The following EPSTI1 variants were observed in gnomAD, a reference collection of about 807,000 sequenced individuals.
The protein encoded by EPSTI1 is epithelial-stromal interaction protein 1.
Under a neutral mutation model 49.9 loss-of-function variants are expected in EPSTI1, and 66 were observed. The observed-to-expected ratio is 1.32, with a 90% CI of 1.08 to 1.62. The LOEUF (loss-of-function observed/expected upper bound fraction) is 1.62, where lower values mean the gene tolerates loss of function less well. Among genes scored for constraint, EPSTI1 ranks in the 40% most tolerant of loss-of-function variants. EPSTI1 has a pLI of 0.00. For synonymous variants in EPSTI1, 137 were observed against 130.7 expected, an observed-to-expected ratio of 1.05 and a Z score of -0.33; for missense variants, 394 against 365.5, an observed-to-expected ratio of 1.08 and a Z score of -0.64.
chr13:42,972,175 A>G (rs540030030), intron 1 of EPSTI1, among the ~76,000 whole-genome samples: 6 of 152,302 alleles, frequency 3.9e-5, no homozygotes, highest in Non-Finnish European at 7.4e-5. Context: ...ACAATCTTCA[A>G]TGTCTGCTAA....
chr13:42,964,209 T>C (rs2039542704), intron 3 of EPSTI1, 70 bp from the exon 4 acceptor site: 4 of 1,165,940 alleles, frequency 3.4e-6, no homozygotes, highest in Admixed American at 4.3e-5. Context: ...CGAGGACTAA[T>C]TAATATATAA....
At chr13:42,892,022 T>C (rs1229433744) in intron 10 of EPSTI1, among the ~76,000 whole-genome samples, 2 of 152,006 alleles carry the variant, frequency 1.3e-5, no homozygotes, top group Non-Finnish European at 2.9e-5. Flanking sequence ...ACTGAGACCG[T>C]GGAATTCAAG....
chr13:42,984,064 T>A (rs1002562857), intron 1 of EPSTI1, among the ~76,000 whole-genome samples: 4 of 152,230 alleles, frequency 2.6e-5, no homozygotes, highest in African/African-American at 9.6e-5. Context: ...AGACATGTCA[T>A]TAGGAAGAGT....
chr13:42,893,318 A>T (rs562219314), intron 10 of EPSTI1, among the ~76,000 whole-genome samples: 2 of 152,228 alleles, frequency 1.3e-5, no homozygotes, highest in Non-Finnish European at 2.9e-5. Flanking sequence ...ATTAGAACAA[A>T]GTCCCCCAGG....
intron 9 of EPSTI1, among the ~76,000 whole-genome samples, chr13:42,898,510 A>G (rs572333383): frequency 6.6e-6 from 1 of 152,378 alleles, no homozygotes; most frequent in East Asian, 1.9e-4. Context: ...TTTATTATCT[A>G]GAAAAATCTC....
At chr13:42,907,554 C>T (rs998096766) in intron 8 of EPSTI1, among the ~76,000 whole-genome samples, 1 of 152,156 alleles carries the variant, frequency 6.6e-6, no homozygotes, top group Non-Finnish European at 1.5e-5. Flanking sequence ...CAAAGTGCCT[C>T]TCAGTTTATC....
intron 9 of EPSTI1, among the ~76,000 whole-genome samples, chr13:42,896,941 A>G (rs1463249669): frequency 1.3e-5 from 2 of 152,020 alleles, no homozygotes; most frequent in African/African-American, 4.8e-5. Flanking sequence ...CTCTACTAAA[A>G]ACACAAAAAT....
intron 1 of EPSTI1, among the ~76,000 whole-genome samples, chr13:42,974,674 A>T (rs2039846767): frequency 6.7e-6 from 1 of 149,392 alleles, no homozygotes. Context: ...AAAAAAAAAA[A>T]GTTTTCCTTG....
At chr13:42,917,657 A>AAAC (rs771626938) in intron 7 of EPSTI1, 33 bp from the exon 8 acceptor site, 2 of 1,435,840 alleles carry the variant, frequency 1.4e-6, no homozygotes, top group South Asian at 1.2e-5. Flanking sequence ...AAAAAAAAAA[A>AAAC]AACAACTTGA....
intron 1 of EPSTI1, among the ~76,000 whole-genome samples, chr13:42,987,211 T>TGG (rs139931585): frequency 4.4e-4 from 67 of 152,064 alleles, no homozygotes; most frequent in African/African-American, 1.6e-3. Context: ...AAGTCTGAAG[T>TGG]GGGGGGCAGT....
rs367652602 is a variant in EPSTI1 at position 42,963,240 on chromosome 13, C to A, written c.489+15G>T. On this transcript the variant is annotated intron_variant, in intron 5 of 10. Transcript: ENST00000313624. ...TGTTGATCAGCAAATGTGAACTAAT[C>A]CTCCTCCTCCTTACCTTCTCTCTCT... The A allele has an allele frequency of 8.1e-5, 129 of 1,591,198 alleles. No homozygotes were observed. The African/African-American group carries it at 1.6e-3, about 20-fold the overall frequency.
intron 1 of EPSTI1, among the ~76,000 whole-genome samples, chr13:42,972,400 C>T (rs933884280): frequency 2.0e-5 from 3 of 152,080 alleles, no homozygotes; most frequent in Non-Finnish European, 4.4e-5. Flanking sequence ...CTTGGAAAAC[C>T]ACTACTATAG....
At chr13:42,896,241 G>A (rs2037185859) in intron 9 of EPSTI1, among the ~76,000 whole-genome samples, 1 of 152,088 alleles carries the variant, frequency 6.6e-6, no homozygotes. Context: ...CTACCCAAGT[G>A]CCATATTCTA....
At position 42,987,937 on chromosome 13, in the gene EPSTI1, T is replaced by C. The variant is rs1240918691; in HGVS notation, c.188+4041A>G. Among the ~76,000 whole-genome samples, 4 of 152,316 alleles carry C rather than the reference T, an allele frequency of 2.6e-5. No individual in the cohort carries two copies. The East Asian group carries it at 7.7e-4, about 29-fold the overall frequency. ...TTATTATTGCTCATGTTGAAGTCTCTACAATACTAATACGAAGTAGGCCAC... is the reference window on the plus strand; with the variant it reads ...TTATTATTGCTCATGTTGAAGTCTCCACAATACTAATACGAAGTAGGCCAC... On this transcript the variant is annotated intron_variant, in intron 1 of 10. Coordinates refer to ENST00000313624, the MANE Select transcript of EPSTI1 (RefSeq NM_033255.5).
At chr13:42,911,246 T>A (rs867055586) in intron 8 of EPSTI1, among the ~76,000 whole-genome samples, 20 of 115,038 alleles carry the variant, frequency 1.7e-4, no homozygotes, top group Admixed American at 2.7e-4. Flanking sequence ...AGAGAGAGAG[T>A]GTGTGTGTGT....
At chr13:42,928,374 G>A (rs2038251125) in intron 6 of EPSTI1, among the ~76,000 whole-genome samples, 1 of 152,070 alleles carries the variant, frequency 6.6e-6, no homozygotes, top group African/African-American at 2.4e-5. Flanking sequence ...CTGTTTGAGG[G>A]GCAAACGAAG....
At chr13:42,925,340 G>T (rs1457379743) in intron 7 of EPSTI1, among the ~76,000 whole-genome samples, 1 of 152,198 alleles carries the variant, frequency 6.6e-6, no homozygotes, top group Non-Finnish European at 1.5e-5. Context: ...ATGGGGTTTA[G>T]GTTTTCCAAG....
intron 1 of EPSTI1, among the ~76,000 whole-genome samples, chr13:42,989,032 A>AT (rs74772535): frequency 0.066 from 6,345 of 95,512 alleles, 243 homozygotes; most frequent in African/African-American, 0.14. Flanking sequence ...GATAATTTAA[A>AT]TTTTTTTTTT....
chr13:42,957,277 T>A (rs1308530874), intron 5 of EPSTI1, among the ~76,000 whole-genome samples: 3 of 152,194 alleles, frequency 2.0e-5, no homozygotes, highest in African/African-American at 7.2e-5. Context: ...TTGTGGAATA[T>A]TTAGGGAGAA....
Sources: gnomAD v4.1 joint callset for allele counts (sites outside exome capture counted in the v4.1 genomes callset) on GRCh38, gnomAD v4.1.1 for gene constraint, MANE v1.5 for transcripts, NCBI Gene and HGNC (gene_info 2026-07-23, HGNC 2026-07-21) for gene names.